ZSCAN25: variants seen among roughly 807,000 people sequenced by gnomAD.
The protein encoded by ZSCAN25 is zinc finger and SCAN domain-containing protein 25.
ZSCAN25 carries 27 observed loss-of-function variants against 38.7 expected under a neutral mutation model. The ratio of observed to expected loss-of-function variants is 0.70; its 90% CI spans 0.51 to 0.96. The LOEUF is 0.96. ZSCAN25 is among the 40% of genes least tolerant of loss of function. ZSCAN25 has a pLI of 0.00. For missense variants in ZSCAN25, 637 were observed against 705.9 expected (o/e 0.90, Z 1.11); for synonymous variants, 273 against 277.7 (o/e 0.98, Z 0.17).
the ZSCAN25 span, among the ~76,000 whole-genome samples, chr7:99,690,427 A>G: frequency 5.3e-5 from 8 of 152,190 alleles, no homozygotes; most frequent in African/African-American, 1.9e-4. Flanking sequence ...AATGGCAACA[A>G]AAGCCAAAAT....
In ZSCAN25 at chr7:99,622,549, C is replaced by T. The variant is rs748548632; in HGVS notation, c.590C>T (p.Ala197Val). The T allele has an allele frequency of 6.2e-7, 1 of 1,614,136 alleles. No individual in the cohort carries two copies. The highest frequency in any genetic ancestry group is 1.1e-5 in the South Asian group (1 of 91,082). ...GDETRAFQEQ[A>V]LPVLQAGPGL... ...TCTCATGCTTTTTGTCCCTGCTCAG[C>T]ACTACCTGTTCTGCAGGCGGGTCCT... is the stretch of plus-strand genomic sequence containing the variant. Residue 197 changes from alanine to valine, a missense_variant and splice_region_variant, in exon 6 of 8, where the codon GCA (alanine) becomes GTA (valine). Coordinates refer to ENST00000394152, the MANE Select transcript of ZSCAN25 (RefSeq NM_145115.3).
At chr7:99,671,230 C>T in the ZSCAN25 span, 1 of 153,656 alleles carries the variant, frequency 6.5e-6, no homozygotes, top group Non-Finnish European at 1.4e-5. Flanking sequence ...AGATTGGACA[C>T]CTCTGCTTTA....
the ZSCAN25 span, among the ~76,000 whole-genome samples, chr7:99,672,042 T>TTTGTTGTTGTTG: frequency 1.2e-4 from 18 of 151,728 alleles, no homozygotes; most frequent in African/African-American, 4.4e-4. Flanking sequence ...TTTGCCGGTT[T>TTTGTTGTTGTTG]TTGTTGTTGT....
chr7:99,648,625 A>C, the ZSCAN25 span, among the ~76,000 whole-genome samples: 1 of 150,828 alleles, frequency 6.6e-6, no homozygotes, highest in Non-Finnish European at 1.5e-5. Flanking sequence ...TGGAGCACTG[A>C]CTCTGTGCCA....
rs750372923 is a variant in ZSCAN25, at chr7:99,618,573, A to G, written c.-210A>G. ...GCCATCAGCAAGTTTGTTGGTTTTA[A>G]TCTCCAAAATACGTCTTGATTTTGT... is the stretch of plus-strand genomic sequence containing the variant. On this transcript the variant is annotated 5_prime_UTR_variant, in exon 2 of 8. Transcript: ENST00000394152. 2.6e-5 allele frequency: 4 copies of G among 152,086 alleles called. No individual in the cohort carries two copies. Among genetic ancestry groups the G allele is most frequent in the Non-Finnish European group, 4.4e-5 (3 of 68,018 alleles). The allele number at this position is 152,086 out of a possible 1,614,324, so 9.4% of individuals were successfully genotyped here.
At position 99,624,041 on chromosome 7, in the gene ZSCAN25, TCTC is replaced by T; in HGVS notation, c.682-13_682-11del. The T allele has an allele frequency of 5.0e-6, 8 of 1,614,114 alleles. No homozygotes were observed. Among genetic ancestry groups the T allele is most frequent in the Non-Finnish European group, 6.8e-6 (8 of 1,180,020 alleles). The stretch of plus-strand genomic sequence containing the variant: ...AGGATTCTTTCTTTATTCATAGCAA[TCTC>T]CTATTGTTGCAGGGGTTGGGGCCAT... On this transcript the variant is annotated splice_polypyrimidine_tract_variant and intron_variant, in intron 6 of 7. Coordinates refer to ENST00000394152, the MANE Select transcript of ZSCAN25 (RefSeq NM_145115.3).
At chr7:99,642,974 A>T in the ZSCAN25 span, among the ~76,000 whole-genome samples, 1 of 152,212 alleles carries the variant, frequency 6.6e-6, no homozygotes, top group African/African-American at 2.4e-5. Flanking sequence ...AAAGGACCAC[A>T]TAGGAGATAT....
At chr7:99,672,671 T>C in the ZSCAN25 span, 1 of 1,614,122 alleles carries the variant, frequency 6.2e-7, no homozygotes, top group East Asian at 2.2e-5. Flanking sequence ...GAGTTGACCT[T>C]CATACGTTCT....
At chr7:99,679,377 A>G in the ZSCAN25 span, among the ~76,000 whole-genome samples, 6 of 152,258 alleles carry the variant, frequency 3.9e-5, no homozygotes, top group East Asian at 1.2e-3. Context: ...ATACAGCTAC[A>G]CATCCCTTCC....
chr7:99,690,633 GAT>G, the ZSCAN25 span, among the ~76,000 whole-genome samples: 1 of 151,978 alleles, frequency 6.6e-6, no homozygotes. Context: ...GTGGGTGAAG[GAT>G]ATGAACAGAC....
Position 99,630,860 on chromosome 7 carries a change from G to C in ZSCAN25, c.*840G>C, listed in dbSNP as rs750269750. ...AAACATCAGAGTATTTTAAAAAACAGTTCTCTAGAAAGAACTGTTATAATT... is the reference window on the plus strand; with the variant it reads ...AAACATCAGAGTATTTTAAAAAACACTTCTCTAGAAAGAACTGTTATAATT... On this transcript the variant is annotated 3_prime_UTR_variant, in exon 8 of 8. Transcript: ENST00000394152. 137 of 984,556 alleles carry C rather than the reference G, an allele frequency of 1.4e-4. No homozygotes were observed. Among genetic ancestry groups the C allele is most frequent in the Non-Finnish European group, 1.6e-4 (133 of 829,270 alleles). The allele number at this position is 984,556 out of a possible 1,614,324, so 61.0% of individuals were successfully genotyped here.
At chr7:99,715,672 T>C in the ZSCAN25 span, 1 of 1,600,228 alleles carries the variant, frequency 6.2e-7, no homozygotes, top group Non-Finnish European at 8.6e-7. Flanking sequence ...ACATTTTAAG[T>C]GGATGAATTA....
At chr7:99,730,321 T>A in the ZSCAN25 span, among the ~76,000 whole-genome samples, 1 of 152,236 alleles carries the variant, frequency 6.6e-6, no homozygotes, top group East Asian at 1.9e-4. Context: ...GAATTCATAT[T>A]GTGCTTAAAT....
At chr7:99,705,718 C>A in the ZSCAN25 span, 1 of 1,208,968 alleles carries the variant, frequency 8.3e-7, no homozygotes, top group Non-Finnish European at 1.2e-6. Flanking sequence ...CTACTTTCAG[C>A]ACTATAAATC....
chr7:99,637,896 A>C, the ZSCAN25 span, among the ~76,000 whole-genome samples: 2 of 152,342 alleles, frequency 1.3e-5, no homozygotes, highest in South Asian at 4.1e-4. Flanking sequence ...AAAAAAGCAT[A>C]CACAGGAAAA....
At chr7:99,688,128 A>C in the ZSCAN25 span, among the ~76,000 whole-genome samples, 1 of 152,230 alleles carries the variant, frequency 6.6e-6, no homozygotes, top group Non-Finnish European at 1.5e-5. Flanking sequence ...GAGCAAAATA[A>C]CCAGCTAACA....
the ZSCAN25 span, among the ~76,000 whole-genome samples, chr7:99,736,699 A>C: frequency 7.9e-5 from 12 of 152,116 alleles, no homozygotes; most frequent in East Asian, 3.9e-4. Flanking sequence ...CAGGTTCAGC[A>C]CTCCTGCAGA....
the ZSCAN25 span, chr7:99,730,842 G>T: frequency 1.8e-6 from 1 of 541,576 alleles, no homozygotes; most frequent in Non-Finnish European, 3.3e-6. Flanking sequence ...GGATCTACTT[G>T]ACATTTGGGC....
chr7:99,705,345 A>G, the ZSCAN25 span: 1 of 818,472 alleles, frequency 1.2e-6, no homozygotes, highest in African/African-American at 1.7e-5. Flanking sequence ...AGACCATGAG[A>G]GAGCACAATG....
Sources: gnomAD v4.1 joint callset for allele counts (sites outside exome capture counted in the v4.1 genomes callset) on GRCh38, gnomAD v4.1.1 for gene constraint, MANE v1.5 for transcripts, NCBI Gene and HGNC (gene_info 2026-07-23, HGNC 2026-07-21) for gene names.